MARCHF4: variants seen among roughly 807,000 people sequenced by gnomAD.
The protein encoded by MARCHF4 is membrane associated ring-CH-type finger 4, also known as E3 ubiquitin-protein ligase MARCHF4.
A neutral mutation model predicts 43.9 loss-of-function variants in MARCHF4; 14 were observed. The ratio of observed to expected loss-of-function variants is 0.32; its 90% CI spans 0.21 to 0.50. The LOEUF (loss-of-function observed/expected upper bound fraction) is 0.50, where lower values mean the gene tolerates loss of function less well. MARCHF4 is among the 20% of genes least tolerant of loss of function. The pLI is 0.98. For synonymous variants in MARCHF4, 226 were observed against 213.3 expected, an observed-to-expected ratio of 1.06 and a Z score of -0.52; for missense variants, 468 against 536.7, an observed-to-expected ratio of 0.87 and a Z score of 1.27.
intron 1 of MARCHF4, among the ~76,000 whole-genome samples, chr2:216,304,962 A>T (rs919292343): frequency 6.6e-6 from 1 of 152,222 alleles, no homozygotes; most frequent in African/African-American, 2.4e-5. Context: ...TCAAAAAAAA[A>T]AGAAAACATT....
At chr2:216,363,471 T>C (rs17550937) in intron 1 of MARCHF4, among the ~76,000 whole-genome samples, 12,240 of 152,300 alleles carry the variant, frequency 0.08, 719 homozygotes, top group South Asian at 0.24. Flanking sequence ...TGAAAGAGCC[T>C]GTAACCCTGT....
Position 216,370,178 on chromosome 2 carries a change from GC to G in MARCHF4, c.82del (p.Ala28ProfsTer22). On this transcript the variant is annotated frameshift_variant, in exon 1 of 4. Transcript: ENST00000273067. LOFTEE classifies it high-confidence loss of function. ...GWYCYGLCAP[A>X]PQMLRHQGLL... ...ACCCTGGTGGCGCAACATCTGGGGG[GC>G]TGGGGCACACAATCCATAGCAGTAC... 1 of 1,612,412 alleles carries G rather than the reference GC, an allele frequency of 6.2e-7. No individual in the cohort carries two copies. Among genetic ancestry groups the G allele is most frequent in the Non-Finnish European group, 8.5e-7 (1 of 1,179,486 alleles).
chr2:216,339,376 T>A (rs888363846), intron 1 of MARCHF4, among the ~76,000 whole-genome samples: 2 of 152,176 alleles, frequency 1.3e-5, no homozygotes, highest in African/African-American at 4.8e-5. Context: ...AAGCCCATAA[T>A]CCCCTTGGGA....
At chr2:216,352,663 T>C (rs1029184124) in intron 1 of MARCHF4, among the ~76,000 whole-genome samples, 3 of 152,166 alleles carry the variant, frequency 2.0e-5, no homozygotes, top group Admixed American at 1.3e-4. Flanking sequence ...AGCCCCTCTG[T>C]GCTTTTGGAA....
chr2:216,314,714 T>G (rs1486765457), intron 1 of MARCHF4, among the ~76,000 whole-genome samples: 1 of 152,158 alleles, frequency 6.6e-6, no homozygotes, highest in Non-Finnish European at 1.5e-5. Flanking sequence ...CTTTAGGTTA[T>G]GTAACCAGGA....
At chr2:216,334,948 A>G (rs1482740562) in intron 1 of MARCHF4, among the ~76,000 whole-genome samples, 1 of 152,234 alleles carries the variant, frequency 6.6e-6, no homozygotes, top group Non-Finnish European at 1.5e-5. Flanking sequence ...GTGAGGGATG[A>G]TGTAGGAAGG....
chr2:216,320,031 T>C (rs748200452), intron 1 of MARCHF4, among the ~76,000 whole-genome samples: 3 of 152,220 alleles, frequency 2.0e-5, no homozygotes, highest in Non-Finnish European at 2.9e-5. Flanking sequence ...GTCAATGCCT[T>C]GGTTGAGTGT....
intron 1 of MARCHF4, among the ~76,000 whole-genome samples, chr2:216,368,732 G>A (rs1692705710): frequency 6.6e-6 from 1 of 152,176 alleles, no homozygotes; most frequent in South Asian, 2.1e-4. Flanking sequence ...ACATAACCTT[G>A]CCCACCTTGC....
At chr2:216,341,583 T>A (rs77216496) in intron 1 of MARCHF4, among the ~76,000 whole-genome samples, 1,596 of 152,294 alleles carry the variant, frequency 0.01, 31 homozygotes, top group African/African-American at 0.037. Flanking sequence ...GTCCACAAAG[T>A]CAAAGTCCTA....
At chr2:216,329,133 CA>C (rs1186787055) in intron 1 of MARCHF4, among the ~76,000 whole-genome samples, 4 of 152,220 alleles carry the variant, frequency 2.6e-5, no homozygotes, top group Non-Finnish European at 4.4e-5. Context: ...GTAATCCCAG[CA>C]CTTTGGGAGG....
intron 1 of MARCHF4, among the ~76,000 whole-genome samples, chr2:216,359,479 A>G (rs1047242465): frequency 1.4e-4 from 22 of 152,106 alleles, no homozygotes; most frequent in African/African-American, 4.8e-4. Context: ...TCACCTAACT[A>G]TGTGTTTAGA....
intron 1 of MARCHF4, among the ~76,000 whole-genome samples, chr2:216,306,707 G>A (rs1265017002): frequency 6.6e-6 from 1 of 152,092 alleles, no homozygotes; most frequent in African/African-American, 2.4e-5. Context: ...GCAGTGTTGA[G>A]GGGTGGATAT....
At chr2:216,265,289 G>A (rs1442062084) in intron 3 of MARCHF4, among the ~76,000 whole-genome samples, 1 of 152,150 alleles carries the variant, frequency 6.6e-6, no homozygotes, top group Non-Finnish European at 1.5e-5. Flanking sequence ...CACCTACAAT[G>A]TACCCAACCC....
chr2:216,326,990 C>G (rs913193051), intron 1 of MARCHF4, among the ~76,000 whole-genome samples: 9 of 151,660 alleles, frequency 5.9e-5, no homozygotes, highest in African/African-American at 2.2e-4. Context: ...AAATAAATAA[C>G]AAAAAATAAT....
At chr2:216,333,859 G>A (rs556341083) in intron 1 of MARCHF4, among the ~76,000 whole-genome samples, 4 of 152,272 alleles carry the variant, frequency 2.6e-5, no homozygotes, top group African/African-American at 9.6e-5. Flanking sequence ...CCACCGTGGC[G>A]TAGAATGTGG....
chr2:216,311,247 C>CT (rs575175259), intron 1 of MARCHF4, among the ~76,000 whole-genome samples: 9 of 150,814 alleles, frequency 6.0e-5, no homozygotes, highest in Non-Finnish European at 1.0e-4. Context: ...TAAATCATGT[C>CT]TTTTTTTTTG....
At chr2:216,328,612 GTTGT>G (rs1692034122) in intron 1 of MARCHF4, among the ~76,000 whole-genome samples, 1 of 152,164 alleles carries the variant, frequency 6.6e-6, no homozygotes, top group Non-Finnish European at 1.5e-5. Context: ...GAGTTTACTA[GTTGT>G]TTGTGGAAAA....
chr2:216,325,757 A>G (rs1453726411), intron 1 of MARCHF4, among the ~76,000 whole-genome samples: 5 of 150,362 alleles, frequency 3.3e-5, no homozygotes, highest in Admixed American at 2.6e-4. Flanking sequence ...GGCTAGCCAC[A>G]TGTAGAAAGC....
At chr2:216,293,374 A>C (rs576435897) in intron 1 of MARCHF4, among the ~76,000 whole-genome samples, 39 of 151,908 alleles carry the variant, frequency 2.6e-4, no homozygotes, top group Non-Finnish European at 4.9e-4. Flanking sequence ...AAAAGAAAGA[A>C]CTCTATTACT....
Sources: gnomAD v4.1 joint callset for allele counts (sites outside exome capture counted in the v4.1 genomes callset) on GRCh38, gnomAD v4.1.1 for gene constraint, MANE v1.5 for transcripts, NCBI Gene and HGNC (gene_info 2026-07-23, HGNC 2026-07-21) for gene names.